The following VCAN variants were observed in gnomAD, a reference collection of about 807,000 sequenced individuals.
The protein encoded by VCAN is versican core protein.
Under a neutral mutation model 245.5 loss-of-function variants are expected in VCAN, and 44 were observed. The observed-to-expected ratio is 0.18, with a 90% CI of 0.14 to 0.23. The LOEUF (loss-of-function observed/expected upper bound fraction) is 0.23. Among genes scored for constraint, VCAN ranks in the 10% least tolerant of loss-of-function variants. The probability of loss-of-function intolerance (pLI) is 1.00; values close to 1 mark genes in which losing one functional copy is unlikely to be tolerated. For missense variants in VCAN, 3,793 were observed against 4,057.9 expected, an observed-to-expected ratio of 0.93 and a Z score of 1.77; for synonymous variants, 1,413 against 1,437.0, an observed-to-expected ratio of 0.98 and a Z score of 0.38.
At chr5:83,533,959 T>C (rs1746613357) in intron 7 of VCAN, 1 of 152,144 alleles carries the variant, frequency 6.6e-6, no homozygotes, top group African/African-American at 2.4e-5. Flanking sequence ...AGTTGATAGT[T>C]AGCTAAATTA....
chr5:83,530,941 G>A (rs1466298063), intron 7 of VCAN, among the ~76,000 whole-genome samples: 4 of 152,068 alleles, frequency 2.6e-5, no homozygotes, highest in African/African-American at 7.2e-5. Flanking sequence ...GAGAGTGCCA[G>A]TATTTAGACT....
chr5:83,545,275 T>G (rs556835114), intron 8 of VCAN, among the ~76,000 whole-genome samples: 1 of 152,310 alleles, frequency 6.6e-6, no homozygotes, highest in African/African-American at 2.4e-5. Context: ...ATATATTAGT[T>G]GCCAGATACA....
rs768840388 is a variant in VCAN at position 83,490,368 on chromosome 5, C to G, written c.341C>G (p.Ser114Cys). Reference protein sequence around the residue: ...PTHPEAVGDASLTVVKLLASD... With the variant: ...PTHPEAVGDACLTVVKLLASD... ...CATCCCGAGGCTGTGGGCGATGCCTCCCTCACTGTGGTCAAGCTGCTGGCA... is the reference window on the plus strand; with the variant it reads ...CATCCCGAGGCTGTGGGCGATGCCTGCCTCACTGTGGTCAAGCTGCTGGCA... Residue 114 changes from serine (S) to cysteine (C), a missense_variant, in exon 3 of 15, where the codon TCC becomes TGC. Coordinates refer to ENST00000265077, the MANE Select transcript of VCAN (RefSeq NM_004385.5). The G allele has an allele frequency of 6.2e-7, 1 of 1,614,168 alleles. No homozygotes were observed. The highest frequency in any genetic ancestry group is 1.7e-5 in the Admixed American group (1 of 60,026).
intron 12 of VCAN, among the ~76,000 whole-genome samples, chr5:83,571,474 T>A (rs575861804): frequency 2.0e-5 from 3 of 152,272 alleles, no homozygotes; most frequent in African/African-American, 7.2e-5. Context: ...GGGCTTCATC[T>A]ATTATAGATG....
intron 12 of VCAN, among the ~76,000 whole-genome samples, chr5:83,568,889 C>T (rs3105117): frequency 0.67 from 101,090 of 151,254 alleles, 33,986 homozygotes; most frequent in Admixed American, 0.75. Context: ...CTTTTATATA[C>T]ACAGACACAC....
intron 12 of VCAN, among the ~76,000 whole-genome samples, chr5:83,556,138 G>GT (rs1424821350): frequency 6.6e-6 from 1 of 152,186 alleles, no homozygotes; most frequent in Non-Finnish European, 1.5e-5. Flanking sequence ...GCCAGCCACT[G>GT]TATTAAGCAC....
At chr5:83,516,647 C>T (rs948568711) in intron 6 of VCAN, among the ~76,000 whole-genome samples, 3 of 152,220 alleles carry the variant, frequency 2.0e-5, no homozygotes, top group African/African-American at 7.2e-5. Flanking sequence ...TTTATGTTGG[C>T]TTCCTCAATA....
Position 83,541,416 on chromosome 5 carries a change from C to T in VCAN, c.8413C>T (p.Pro2805Ser). Residue 2805 changes from proline (P) to serine (S), a missense_variant, in exon 8 of 15, where the codon CCA (proline) becomes TCA (serine). By Grantham distance (74) the Pro-to-Ser change is moderately conservative (BLOSUM62 -1). Around this residue, in one of 5 missense-constraint regions of VCAN, gnomAD observed 3,182 missense variants for 3,250.3 expected, o/e 0.98. Transcript: ENST00000265077. ...VPDVMEGSNPPYYTDTTLAVS... is the reference protein window; with the variant it reads ...VPDVMEGSNPSYYTDTTLAVS... ...TGATGTGATGGAAGGATCCAATCCC[C>T]CATATTACACTGATACAACATTAGC... 1 of 1,614,014 alleles carries T rather than the reference C, an allele frequency of 6.2e-7. No individual in the cohort carries two copies. The highest frequency in any genetic ancestry group is 1.1e-5 in the South Asian group (1 of 91,078).
intron 2 of VCAN, among the ~76,000 whole-genome samples, chr5:83,486,775 T>C (rs1197083049): frequency 1.3e-5 from 2 of 152,236 alleles, no homozygotes; most frequent in Non-Finnish European, 2.9e-5. Context: ...AAATCCATGA[T>C]CACTATTATT....
chr5:83,524,991 C>G lies in VCAN; in HGVS notation c.4003+2682C>G, dbSNP rs3909226. Among the ~76,000 whole-genome samples the G allele has an allele frequency of 2.0e-5, 3 of 150,726 alleles. No homozygotes were observed. In the East Asian group the frequency reaches 5.9e-4, roughly 29 times the overall value. On this transcript the variant is annotated intron_variant, in intron 7 of 14. Transcript: ENST00000265077. ...AAGCAAAAATACCACCCATGCTATT[C>G]TAAACCAAGGCATTCAATAATTTTT...
Position 83,521,431 on chromosome 5 carries a change from C to A in VCAN, c.3125C>A (p.Ala1042Glu). ...GAATTCCCTTGGAAAGAACAGACTG[C>A]AGAGAAACCAGTTCCTGCTCTCAGT... ...QEEFPWKEQTAEKPVPALSST... is the reference protein window; with the variant it reads ...QEEFPWKEQTEEKPVPALSST... Residue 1042 changes from alanine to glutamate, a missense_variant, in exon 7 of 15, where the codon GCA (alanine) becomes GAA (glutamate). Ala to Glu is a moderately radical substitution (Grantham distance 107). Coordinates refer to ENST00000265077, the MANE Select transcript of VCAN (RefSeq NM_004385.5). The A allele has an allele frequency of 6.2e-7, 1 of 1,614,134 alleles. No homozygotes were observed. Among genetic ancestry groups the A allele is most frequent in the Non-Finnish European group, 8.5e-7 (1 of 1,180,006 alleles).
At chr5:83,482,318 G>A in intron 1 of VCAN, among the ~76,000 whole-genome samples, 1 of 152,134 alleles carries the variant, frequency 6.6e-6, no homozygotes, top group Admixed American at 6.5e-5. Flanking sequence ...CTTTCCCAGG[G>A]ACCCTTCACT....
rs1746851240 is a variant in VCAN at position 83,539,078 on chromosome 5, G to A, written c.6075G>A (p.Val2025=). 4 of 1,613,864 alleles carry A rather than the reference G, an allele frequency of 2.5e-6. No homozygotes were observed. The highest frequency in any genetic ancestry group is 2.5e-6 in the Non-Finnish European group (3 of 1,179,972). ...CAGTCAGCAGCTCTGTTGTTCCAGT[G>A]CTTCCCAGTGCTGTGCAAAAGTTTT... is the stretch of plus-strand genomic sequence containing the variant. ...LVTVSSSVVP[V]LPSAVQKFSG... is the part of the protein sequence containing the mutation. The change falls in exon 8 of 15, where the codon GTG becomes GTA. Residue 2025 remains valine (V), a synonymous_variant. Coordinates refer to ENST00000265077, the MANE Select transcript of VCAN (RefSeq NM_004385.5).
At position 83,483,578 on chromosome 5, in the gene VCAN, G is replaced by T. The variant is rs755828566; in HGVS notation, c.60G>T (p.Ala20=). 6.2e-7 allele frequency: 1 copy of T among 1,613,158 alleles called. No homozygotes were observed. The highest frequency in any genetic ancestry group is 1.1e-5 in the South Asian group (1 of 91,050). ...WMCSTLIVTH[A]LHKVKVGKSP... ...GTTCAACCTTAATAGTAACCCATGCGCTACATAAAGGTGAGTGTGCTAACA... is the reference window on the plus strand; with the variant it reads ...GTTCAACCTTAATAGTAACCCATGCTCTACATAAAGGTGAGTGTGCTAACA... The change falls in exon 2 of 15, where the codon GCG becomes GCT. Residue 20 remains alanine, a synonymous_variant. Coordinates refer to ENST00000265077, the MANE Select transcript of VCAN (RefSeq NM_004385.5).
rs1430311751 is a variant in VCAN, at chr5:83,580,926, G to C, written c.*492G>C. 2 of 198,618 alleles carry C rather than the reference G, an allele frequency of 1.0e-5. No homozygotes were observed. Among genetic ancestry groups the C allele is most frequent in the Admixed American group, 1.1e-4 (2 of 18,754 alleles). The allele number at this position is 198,618 out of a possible 1,614,324, so 12.3% of individuals were successfully genotyped here. On this transcript the variant is annotated 3_prime_UTR_variant, in exon 15 of 15. Transcript: ENST00000265077. ...GTTTAGGCTGGAAATGGTTTCACTT[G>C]CTCTTTGACTGTCAGCAAGACTGAA...
chr5:83,572,528 A>C lies in VCAN; in HGVS notation c.9848A>C (p.Tyr3283Ser). The C allele has an allele frequency of 6.2e-7, 1 of 1,613,882 alleles. No homozygotes were observed. Among genetic ancestry groups the C allele is most frequent in the Non-Finnish European group, 8.5e-7 (1 of 1,179,856 alleles). The change falls in exon 13 of 15, where the codon TAC (tyrosine) becomes TCC (serine). Residue 3283 changes from tyrosine to serine, a missense_variant. Physicochemically the swap from Tyr to Ser is moderately radical, Grantham distance 144. This residue lies in a region of VCAN where 205 missense variants were observed against 321.1 expected (regional missense o/e 0.64). Transcript: ENST00000265077. The stretch of plus-strand genomic sequence containing the variant: ...CAGTGGAATGATGTTCCCTGCAATT[A>C]CCATCTCACCTATACGTGCAAGAAA... ...NGQWNDVPCN[Y>S]HLTYTCKKGT...
intron 5 of VCAN, among the ~76,000 whole-genome samples, chr5:83,511,017 G>A (rs986120746): frequency 6.6e-6 from 1 of 152,098 alleles, no homozygotes; most frequent in Non-Finnish European, 1.5e-5. Context: ...GGGAGGCTGA[G>A]GCAGGAGAAT....
At chr5:83,563,175 C>T (rs998962827) in intron 12 of VCAN, among the ~76,000 whole-genome samples, 6 of 152,124 alleles carry the variant, frequency 3.9e-5, no homozygotes, top group African/African-American at 1.2e-4. Context: ...TTTCAGTTGT[C>T]GGTCAACGAA....
intron 5 of VCAN, among the ~76,000 whole-genome samples, chr5:83,495,022 G>A (rs932553756): frequency 6.6e-6 from 1 of 152,158 alleles, no homozygotes; most frequent in Non-Finnish European, 1.5e-5. Flanking sequence ...ACATGGAATA[G>A]AAGTTTCTAC....
Sources: allele counts gnomAD v4.1 joint callset (sites outside exome capture counted in the v4.1 genomes callset), GRCh38; gene constraint gnomAD v4.1.1; regional missense constraint gnomAD v4.1.1; transcripts MANE v1.5; gene names NCBI Gene and HGNC (gene_info 2026-07-23, HGNC 2026-07-21).